Variants in FGL1 observed in about 807,000 individuals in gnomAD.
FGL1 encodes the protein fibrinogen-like protein 1.
FGL1 carries 59 observed loss-of-function variants against 43.7 expected under a neutral mutation model. The ratio of observed to expected loss-of-function variants is 1.35; its 90% CI spans 1.10 to 1.68. The LOEUF (loss-of-function observed/expected upper bound fraction) is 1.68. FGL1 is among the 40% of genes most tolerant of loss of function. The pLI, the probability that FGL1 is intolerant of heterozygous loss-of-function variation, is 0.00. For missense variants in FGL1, 596 were observed against 373.0 expected (o/e 1.60, Z -4.92); for synonymous variants, 192 against 126.5 (o/e 1.52, Z -3.48).
intron 1 of FGL1, among the ~76,000 whole-genome samples, chr8:17,887,268 C>T (rs551880153): frequency 6.6e-6 from 1 of 152,278 alleles, no homozygotes; most frequent in East Asian, 1.9e-4. Flanking sequence ...GAGGATTCTC[C>T]ATCAAAGGAG....
intron 2 of FGL1, among the ~76,000 whole-genome samples, chr8:17,884,515 T>A (rs916923025): frequency 6.6e-6 from 1 of 152,052 alleles, no homozygotes; most frequent in African/African-American, 2.4e-5. Context: ...TACTTCTTAT[T>A]TGTTCTTGTT....
At chr8:17,866,250 A>G (rs1024957372) in intron 7 of FGL1, among the ~76,000 whole-genome samples, 1 of 152,172 alleles carries the variant, frequency 6.6e-6, no homozygotes, top group East Asian at 1.9e-4. Context: ...TTAGGGGATG[A>G]TTGGGTCTTC....
intron 5 of FGL1, among the ~76,000 whole-genome samples, chr8:17,870,280 T>G (rs1294174317): frequency 6.6e-6 from 1 of 152,142 alleles, no homozygotes; most frequent in East Asian, 1.9e-4. Context: ...TTAAAATGAT[T>G]AAAATAATTG....
In FGL1 at chr8:17,885,504, G is replaced by T. The variant is rs950109741; in HGVS notation, c.51C>A (p.Gly17=). ...FILVTTALTM[G]REISALEDCA... ...CCAAGAAGCTTACCGAAATTTCCCTGCCCATTGTCAGAGCGGTGGTAACAA... is the reference window on the plus strand; with the variant it reads ...CCAAGAAGCTTACCGAAATTTCCCTTCCCATTGTCAGAGCGGTGGTAACAA... The change falls in exon 2 of 8, where the codon GGC becomes GGA. Residue 17 remains glycine (G), a synonymous_variant. Transcript: ENST00000427924. The T allele has an allele frequency of 6.2e-7, 1 of 1,612,430 alleles. No homozygotes were observed. Among genetic ancestry groups the T allele is most frequent in the South Asian group, 1.1e-5 (1 of 90,864 alleles).
intron 2 of FGL1, 21 bp from the exon 3 acceptor site, chr8:17,882,200 G>C (rs1290340218): frequency 1.2e-6 from 2 of 1,605,064 alleles, no homozygotes; most frequent in Non-Finnish European, 1.7e-6. Flanking sequence ...GGTGAGATGA[G>C]ATGAGTATGC....
Position 17,881,865 on chromosome 8 carries a change from A to C in FGL1, c.244+134T>G, listed in dbSNP as rs2053541327. The C allele has an allele frequency of 2.0e-5, 14 of 715,900 alleles. No individual in the cohort carries two copies. The South Asian group carries it at 3.4e-4, about 17-fold the overall frequency. 44.3% of individuals were successfully genotyped at this position (715,900 alleles called of 1,614,324 possible). A position where few individuals can be genotyped will look rare whatever the true frequency, so the allele number is the denominator to read the frequency against. On this transcript the variant is annotated intron_variant, in intron 3 of 7. Transcript: ENST00000427924. ...AAAAAAAAAAGTAAAGTGTGAAAGAAGACATTTACAATAGATATAATGCTT... is the reference window on the plus strand; with the variant it reads ...AAAAAAAAAAGTAAAGTGTGAAAGACGACATTTACAATAGATATAATGCTT...
chr8:17,883,887 T>C lies in FGL1; in HGVS notation c.63+1605A>G, dbSNP rs75358317. ...TTCTAGGATGATTTCTTTCTCCTCT[T>C]TTCTTTTTCTTTTCTTTTGTTCTTT... On this transcript the variant is annotated intron_variant, in intron 2 of 7. Transcript: ENST00000427924. Among the ~76,000 whole-genome samples, 365 of 150,058 alleles carry C rather than the reference T, an allele frequency of 2.4e-3. 3 individuals are homozygous for C. The highest frequency in any genetic ancestry group is 3.8e-3 in the Non-Finnish European group (259 of 67,546).
At chr8:17,877,636 A>G (rs894860091) in intron 3 of FGL1, among the ~76,000 whole-genome samples, 1 of 151,642 alleles carries the variant, frequency 6.6e-6, no homozygotes, top group Non-Finnish European at 1.5e-5. Flanking sequence ...GGATAAAGGA[A>G]GGTGGGTACA....
intron 1 of FGL1, among the ~76,000 whole-genome samples, chr8:17,890,940 A>C (rs1356279612): frequency 6.6e-6 from 1 of 152,116 alleles, no homozygotes; most frequent in Admixed American, 6.5e-5. Flanking sequence ...CGAGAACTAC[A>C]ATTCAAGATG....
At chr8:17,889,514 T>C (rs1216117673) in intron 1 of FGL1, among the ~76,000 whole-genome samples, 1 of 152,020 alleles carries the variant, frequency 6.6e-6, no homozygotes, top group African/African-American at 2.4e-5. Context: ...TGTCTCACTG[T>C]AGTTAAGCCT....
chr8:17,879,695 T>C (rs780719779), intron 3 of FGL1, among the ~76,000 whole-genome samples: 10 of 152,240 alleles, frequency 6.6e-5, no homozygotes, highest in Admixed American at 3.3e-4. Flanking sequence ...CTATGCTTCC[T>C]TTACAGCCTG....
chr8:17,895,387 G>C, intron 1 of FGL1, 60 bp downstream of exon 1: 1 of 1,275,258 alleles, frequency 7.8e-7, no homozygotes, highest in Non-Finnish European at 1.0e-6. Flanking sequence ...TATCATACCT[G>C]TGAAATAAAT....
At chr8:17,882,931 A>G (rs1285647511) in intron 2 of FGL1, among the ~76,000 whole-genome samples, 5 of 103,410 alleles carry the variant, frequency 4.8e-5, no homozygotes, top group East Asian at 5.2e-4. Context: ...TATCTCATAT[A>G]TAATATATTA....
At chr8:17,877,878 A>C (rs1021786434) in intron 3 of FGL1, among the ~76,000 whole-genome samples, 1 of 152,190 alleles carries the variant, frequency 6.6e-6, no homozygotes, top group East Asian at 1.9e-4. Context: ...CCTTGAAAAC[A>C]AGGCTATAAT....
At chr8:17,870,288 T>C (rs1027325503) in intron 5 of FGL1, among the ~76,000 whole-genome samples, 3 of 152,170 alleles carry the variant, frequency 2.0e-5, no homozygotes, top group Admixed American at 6.5e-5. Context: ...ATTAAAATAA[T>C]TGCTACCTTC....
At chr8:17,867,795 C>T (rs77981115) in intron 7 of FGL1, among the ~76,000 whole-genome samples, 2,075 of 152,210 alleles carry the variant, frequency 0.014, 27 homozygotes, top group Non-Finnish European at 0.022. Flanking sequence ...CTTATGAATT[C>T]GGCAGGGTGC....
intron 5 of FGL1, among the ~76,000 whole-genome samples, chr8:17,869,913 T>C (rs1012241432): frequency 8.5e-5 from 13 of 152,048 alleles, no homozygotes; most frequent in African/African-American, 3.1e-4. Flanking sequence ...ATAGAGACCA[T>C]CCTGGCTAAC....
At chr8:17,875,063 C>CTAAA (rs1461963562) in intron 3 of FGL1, among the ~76,000 whole-genome samples, 1 of 152,172 alleles carries the variant, frequency 6.6e-6, no homozygotes, top group Non-Finnish European at 1.5e-5. Flanking sequence ...ACCCATGAAG[C>CTAAA]TAAAATGAAA....
intron 7 of FGL1, among the ~76,000 whole-genome samples, chr8:17,866,030 G>T (rs942542160): frequency 6.6e-6 from 1 of 152,144 alleles, no homozygotes; most frequent in African/African-American, 2.4e-5. Flanking sequence ...GTTAAAAAAA[G>T]AAAATACTGT....
Sources: allele counts gnomAD v4.1 joint callset (sites outside exome capture counted in the v4.1 genomes callset), GRCh38; gene constraint gnomAD v4.1.1; transcripts MANE v1.5; gene names NCBI Gene and HGNC (gene_info 2026-07-23, HGNC 2026-07-21).